NTRK3: variants seen among roughly 807,000 people sequenced by gnomAD.
NTRK3 encodes the protein neurotrophic receptor tyrosine kinase 3.
Under a neutral mutation model 91.7 loss-of-function variants are expected in NTRK3, and 24 were observed. The observed-to-expected ratio is 0.26, with a 90% CI of 0.19 to 0.37. The LOEUF is 0.37. NTRK3 is among the 10% of genes least tolerant of loss of function. The pLI is 1.00. For synonymous variants in NTRK3, 483 were observed against 404.0 expected (o/e 1.20, Z -2.34); for missense variants, 880 against 1,068.9 (o/e 0.82, Z 2.46).
intron 13 of NTRK3, among the ~76,000 whole-genome samples, chr15:88,047,843 T>C (rs1355869221): frequency 2.0e-5 from 3 of 152,130 alleles, no homozygotes; most frequent in South Asian, 4.2e-4. Flanking sequence ...TGATAAAAAG[T>C]AACTTAGGCC....
At chr15:88,006,422 TA>T (rs1379042686) in intron 14 of NTRK3, among the ~76,000 whole-genome samples, 1 of 152,238 alleles carries the variant, frequency 6.6e-6, no homozygotes, top group Non-Finnish European at 1.5e-5. Context: ...TGCTATGCAC[TA>T]CCAGGAGCCT....
exon 19 of NTRK3, chr15:87,876,773 C>G: frequency 9.6e-6 from 6 of 624,236 alleles, no homozygotes; most frequent in East Asian, 3.2e-5. Context: ...TTTTTTCTTT[C>G]TTTTTTTTTC....
chr15:88,171,334 G>A (rs1196708409), intron 5 of NTRK3, among the ~76,000 whole-genome samples: 2 of 152,154 alleles, frequency 1.3e-5, no homozygotes, highest in African/African-American at 4.8e-5. Context: ...CTGATGAGCT[G>A]GCAAGGGTGC....
At chr15:88,154,907 T>C (rs573752792) in intron 5 of NTRK3, among the ~76,000 whole-genome samples, 1 of 152,322 alleles carries the variant, frequency 6.6e-6, no homozygotes, top group Non-Finnish European at 1.5e-5. Context: ...TAGAATCTTC[T>C]CCATGGAGTG....
At chr15:88,181,915 C>G (rs2046500893) in intron 5 of NTRK3, among the ~76,000 whole-genome samples, 1 of 152,220 alleles carries the variant, frequency 6.6e-6, no homozygotes, top group African/African-American at 2.4e-5. Context: ...GGAGACTTCT[C>G]AGATGTCAAA....
At chr15:87,912,628 C>A (rs1046034682) in intron 17 of NTRK3, among the ~76,000 whole-genome samples, 11 of 151,920 alleles carry the variant, frequency 7.2e-5, no homozygotes, top group African/African-American at 2.7e-4. Context: ...TCTGCTCTCT[C>A]TCTCTCTCTC....
chr15:88,166,830 T>C (rs999783464), intron 5 of NTRK3, among the ~76,000 whole-genome samples: 9 of 152,180 alleles, frequency 5.9e-5, no homozygotes, highest in Non-Finnish European at 1.0e-4. Flanking sequence ...AGAGTCCTCA[T>C]GTATAAAACA....
At chr15:87,873,237 C>G (rs1230452782) in exon 19 of NTRK3, 1 of 231,536 alleles carries the variant, frequency 4.3e-6, no homozygotes, top group Non-Finnish European at 8.5e-6. Context: ...AAGTGGGAAG[C>G]CTCTGTCTAG....
chr15:87,872,413 A>T (rs116725780), exon 19 of NTRK3: 2,454 of 225,644 alleles, frequency 0.011, 76 homozygotes, highest in African/African-American at 0.051. Flanking sequence ...GCCCTCTTTC[A>T]AACATCCCGG....
intron 14 of NTRK3, among the ~76,000 whole-genome samples, chr15:88,027,377 T>C (rs923861619): frequency 1.3e-5 from 2 of 152,234 alleles, no homozygotes; most frequent in Middle Eastern, 3.4e-3. Context: ...TTCCTCTCTG[T>C]GAGTTTCTTT....
intron 13 of NTRK3, among the ~76,000 whole-genome samples, chr15:88,113,926 A>C (rs1329511349): frequency 6.6e-6 from 1 of 152,168 alleles, no homozygotes; most frequent in Non-Finnish European, 1.5e-5. Context: ...CCTGTTTTTT[A>C]AGAATGCAAA....
At chr15:88,036,961 G>C (rs1022025707) in intron 13 of NTRK3, among the ~76,000 whole-genome samples, 1 of 152,212 alleles carries the variant, frequency 6.6e-6, no homozygotes, top group Admixed American at 6.5e-5. Flanking sequence ...AAAGTCCATA[G>C]ATAGCAAGTA....
chr15:88,155,973 G>T (rs2043859740), intron 5 of NTRK3, among the ~76,000 whole-genome samples: 1 of 152,296 alleles, frequency 6.6e-6, no homozygotes, highest in East Asian at 1.9e-4. Context: ...AGTGGCCAAA[G>T]GCTACCATAT....
intron 3 of NTRK3, among the ~76,000 whole-genome samples, chr15:88,196,349 C>T (rs891139323): frequency 8.3e-5 from 12 of 145,294 alleles, no homozygotes; most frequent in South Asian, 2.4e-4. Flanking sequence ...CACAGCAAGC[C>T]GGGATGCGAC....
intron 17 of NTRK3, among the ~76,000 whole-genome samples, chr15:87,881,660 C>G (rs887207572): frequency 2.0e-5 from 3 of 151,992 alleles, no homozygotes; most frequent in African/African-American, 7.2e-5. Flanking sequence ...ACCTCGTGAT[C>G]CGCCTGCCTC....
At chr15:88,145,316 C>G (rs573162814) in intron 6 of NTRK3, among the ~76,000 whole-genome samples, 28 of 152,120 alleles carry the variant, frequency 1.8e-4, no homozygotes, top group Non-Finnish European at 3.2e-4. Context: ...AAAAATAGAC[C>G]CCTACCAGGG....
intron 13 of NTRK3, among the ~76,000 whole-genome samples, chr15:88,124,961 G>GCA (rs2053128802): frequency 6.6e-6 from 1 of 152,174 alleles, no homozygotes; most frequent in African/African-American, 2.4e-5. Flanking sequence ...TGGAAACAGG[G>GCA]CACCCTGTAC....
rs77059357 is a variant in NTRK3, at chr15:88,127,391, C to G, written c.1229-165G>C. 9.6e-3 allele frequency among the ~76,000 whole-genome samples: 1,466 copies of G among 152,150 alleles called. 31 individuals are homozygous for G. Among genetic ancestry groups the G allele is most frequent in the African/African-American group, 0.034 (1,390 of 41,490 alleles). ...GCCTTCCCCAGGCTTTGCAGGACCCCCCACCCCCACAGACCAGGTTCCTAT... is the reference window on the plus strand; with the variant it reads ...GCCTTCCCCAGGCTTTGCAGGACCCGCCACCCCCACAGACCAGGTTCCTAT... On this transcript the variant is annotated intron_variant, in intron 11 of 18. Transcript: ENST00000394480.
intron 13 of NTRK3, among the ~76,000 whole-genome samples, chr15:88,056,696 C>G (rs1465147268): frequency 2.6e-5 from 4 of 152,226 alleles, no homozygotes; most frequent in Admixed American, 6.5e-5. Context: ...CTGAGAATCT[C>G]TGAGGCAAGA....
Sources: allele counts gnomAD v4.1 joint callset (sites outside exome capture counted in the v4.1 genomes callset), GRCh38; gene constraint gnomAD v4.1.1; transcripts MANE v1.5; gene names NCBI Gene and HGNC (gene_info 2026-07-23, HGNC 2026-07-21).